Variants in RGS22 observed in about 807,000 individuals in gnomAD.
The protein encoded by RGS22 is regulator of G protein signaling 22.
In RGS22, 148 loss-of-function variants were observed where a neutral mutation model predicts 172.9. That is an observed-to-expected ratio of 0.86 (90% CI 0.75 to 0.98). RGS22 has a LOEUF of 0.98. RGS22 is among the 50% of genes least tolerant of loss of function. RGS22 has a pLI of 0.00. For missense variants in RGS22, 1,347 were observed against 1,440.8 expected (o/e 0.93, Z 1.05); for synonymous variants, 458 against 480.2 (o/e 0.95, Z 0.60).
chr8:99,964,538 T>C (rs1588858592), intron 24 of RGS22, among the ~76,000 whole-genome samples: 1 of 149,462 alleles, frequency 6.7e-6, no homozygotes, highest in Admixed American at 6.7e-5. Flanking sequence ...CTGATATCTC[T>C]AACTGGACAT....
Position 99,990,379 on chromosome 8 carries a change from TC to T in RGS22, c.3019-2761del, listed in dbSNP as rs148906516. ...CAGAAGGACCCTGTTTCCCATTTCT[TC>T]CCCCTGCCTTTTCACCCAATAAAAC... On this transcript the variant is annotated intron_variant, in intron 20 of 27. Transcript: ENST00000360863. 9.4e-3 allele frequency among the ~76,000 whole-genome samples: 1,437 copies of T among 152,148 alleles called. 24 individuals carry two copies. Among genetic ancestry groups the T allele is most frequent in the African/African-American group, 0.032 (1,345 of 41,502 alleles).
At chr8:99,994,679 C>T (rs775441267) in intron 20 of RGS22, among the ~76,000 whole-genome samples, 1 of 152,086 alleles carries the variant, frequency 6.6e-6, no homozygotes, top group Admixed American at 6.5e-5. Flanking sequence ...GTGAAAATGG[C>T]CATACTGCCC....
At chr8:100,009,382 G>T (rs1806511876) in intron 14 of RGS22, among the ~76,000 whole-genome samples, 1 of 144,562 alleles carries the variant, frequency 6.9e-6, no homozygotes, top group Non-Finnish European at 1.5e-5. Context: ...TCAAGATCAT[G>T]CCACTGCACT....
At chr8:99,991,791 A>G (rs1813752477) in intron 20 of RGS22, among the ~76,000 whole-genome samples, 1 of 152,218 alleles carries the variant, frequency 6.6e-6, no homozygotes. Flanking sequence ...CTCCTCGAGA[A>G]GAGCAACCCC....
intron 3 of RGS22, among the ~76,000 whole-genome samples, chr8:100,088,003 C>T (rs957572586): frequency 6.6e-6 from 1 of 152,092 alleles, no homozygotes; most frequent in Non-Finnish European, 1.5e-5. Flanking sequence ...GCTTTATCAA[C>T]ACCTGTAAAA....
intron 14 of RGS22, among the ~76,000 whole-genome samples, chr8:100,029,360 G>T (rs1185899969): frequency 6.6e-6 from 1 of 152,050 alleles, no homozygotes; most frequent in Non-Finnish European, 1.5e-5. Flanking sequence ...GATAACTAAT[G>T]CAGCTACAAA....
chr8:100,103,841 A>G (rs755507832), intron 2 of RGS22, among the ~76,000 whole-genome samples: 1 of 152,232 alleles, frequency 6.6e-6, no homozygotes, highest in Non-Finnish European at 1.5e-5. Flanking sequence ...TCAGGCTATC[A>G]TGAGTTCAAG....
intron 23 of RGS22, among the ~76,000 whole-genome samples, chr8:99,974,391 C>T (rs959600128): frequency 2.0e-5 from 3 of 152,036 alleles, no homozygotes; most frequent in African/African-American, 4.8e-5. Context: ...TGGCCATAAC[C>T]CTTCCATGGA....
chr8:100,021,995 T>A (rs1295090295), intron 14 of RGS22, among the ~76,000 whole-genome samples: 1 of 152,148 alleles, frequency 6.6e-6, no homozygotes, highest in Admixed American at 6.5e-5. Context: ...ATCCAATCTT[T>A]TTTTCTGCAA....
At chr8:100,103,456 C>T (rs1813662443) in intron 2 of RGS22, among the ~76,000 whole-genome samples, 1 of 152,098 alleles carries the variant, frequency 6.6e-6, no homozygotes, top group Admixed American at 6.5e-5. Flanking sequence ...GCCAGTGGCA[C>T]CACAAACCAA....
chr8:100,050,377 G>A (rs1172863571), intron 10 of RGS22, among the ~76,000 whole-genome samples: 1 of 152,176 alleles, frequency 6.6e-6, no homozygotes, highest in Non-Finnish European at 1.5e-5. Flanking sequence ...AATCTCTGAA[G>A]GCGGGACCCC....
At chr8:100,029,009 G>T (rs940798139) in intron 14 of RGS22, among the ~76,000 whole-genome samples, 3 of 152,138 alleles carry the variant, frequency 2.0e-5, no homozygotes, top group African/African-American at 7.2e-5. Flanking sequence ...GAAGCAAACT[G>T]CCACACTGTG....
chr8:100,019,220 C>T (rs571255276), intron 14 of RGS22, among the ~76,000 whole-genome samples: 11 of 152,298 alleles, frequency 7.2e-5, no homozygotes, highest in Admixed American at 4.6e-4. Flanking sequence ...ATCTGCGTTC[C>T]AATGAAAACA....
intron 14 of RGS22, among the ~76,000 whole-genome samples, chr8:100,016,445 A>T (rs983463529): frequency 2.6e-5 from 4 of 152,012 alleles, no homozygotes; most frequent in Admixed American, 6.6e-5. Context: ...GTTCAAGAAT[A>T]TCAACCCCCA....
chr8:100,033,388 G>A (rs200138724), intron 14 of RGS22, among the ~76,000 whole-genome samples: 1 of 151,720 alleles, frequency 6.6e-6, no homozygotes, highest in Non-Finnish European at 1.5e-5. Context: ...TACTATAAAC[G>A]CCTCTATGCA....
intron 2 of RGS22, among the ~76,000 whole-genome samples, chr8:100,097,517 T>C (rs1203241682): frequency 1.3e-5 from 2 of 152,224 alleles, no homozygotes; most frequent in Admixed American, 1.3e-4. Flanking sequence ...TAGTGGTAGG[T>C]ATATCAGTGT....
chr8:100,045,708 A>C (rs2980538), intron 11 of RGS22, among the ~76,000 whole-genome samples: 99,507 of 150,112 alleles, frequency 0.66, 33,830 homozygotes, highest in African/African-American at 0.82. Flanking sequence ...AGGAATTTAT[A>C]ATATATATGA....
At chr8:100,097,864 C>A (rs1412505333) in intron 2 of RGS22, among the ~76,000 whole-genome samples, 1 of 152,170 alleles carries the variant, frequency 6.6e-6, no homozygotes, top group African/African-American at 2.4e-5. Context: ...CTAGCCACAC[C>A]TCATTTAATA....
In RGS22 at chr8:100,071,541, C is replaced by T. The variant is rs1810981539; in HGVS notation, c.426-4G>A. Reference sequence around the variant, plus strand: ...TTGTGAGACCAATTTGGCTAACCTGCATTTTAGAAATCATACAAATTTAAA... The same window carrying T: ...TTGTGAGACCAATTTGGCTAACCTGTATTTTAGAAATCATACAAATTTAAA... On this transcript the variant is annotated splice_polypyrimidine_tract_variant and splice_region_variant and intron_variant, in intron 5 of 27. Transcript: ENST00000360863. 1 of 1,581,858 alleles carries T rather than the reference C, an allele frequency of 6.3e-7. No homozygotes were observed. The highest frequency in any genetic ancestry group is 8.6e-7 in the Non-Finnish European group (1 of 1,167,608).
Sources: gnomAD v4.1 joint callset for allele counts (sites outside exome capture counted in the v4.1 genomes callset) on GRCh38, gnomAD v4.1.1 for gene constraint, MANE v1.5 for transcripts, NCBI Gene and HGNC (gene_info 2026-07-23, HGNC 2026-07-21) for gene names.